GTF2H1: variants seen among roughly 807,000 people sequenced by gnomAD.
GTF2H1 encodes the protein BTF2 p62.
A neutral mutation model predicts 71.2 loss-of-function variants in GTF2H1; 16 were observed. The ratio of observed to expected loss-of-function variants is 0.22; its 90% CI spans 0.15 to 0.34. The LOEUF (loss-of-function observed/expected upper bound fraction) is 0.34, where lower values mean the gene tolerates loss of function less well. GTF2H1 is among the 10% of genes least tolerant of loss of function. The pLI is 1.00. For synonymous variants in GTF2H1, 215 were observed against 219.0 expected (o/e 0.98, Z 0.16); for missense variants, 498 against 648.2 (o/e 0.77, Z 2.52).
Position 18,365,813 on chromosome 11 carries a change from A to C in GTF2H1, c.1591A>C (p.Thr531Pro). The C allele has an allele frequency of 6.2e-7, 1 of 1,613,826 alleles. No individual in the cohort carries two copies. Among genetic ancestry groups the C allele is most frequent in the Non-Finnish European group, 8.5e-7 (1 of 1,179,728 alleles). The change falls in exon 15 of 15, where the codon ACA becomes CCA. Residue 531 changes from threonine (T) to proline (P), a missense_variant. Physicochemically the swap from Thr to Pro is conservative, Grantham distance 38. Coordinates refer to ENST00000265963, the MANE Select transcript of GTF2H1 (RefSeq NM_005316.4). ...LVSHIEEMLQTAYNKLHTWQS... is the reference protein window; with the variant it reads ...LVSHIEEMLQPAYNKLHTWQS... Reference sequence around the variant, plus strand: ...AAGTCACATAGAAGAGATGCTCCAGACAGCCTACAACAAGCTCCACACATG... The same window carrying C: ...AAGTCACATAGAAGAGATGCTCCAGCCAGCCTACAACAAGCTCCACACATG...
chr11:18,357,292 G>T (rs1865578051), intron 11 of GTF2H1, among the ~76,000 whole-genome samples: 1 of 152,146 alleles, frequency 6.6e-6, no homozygotes, highest in Admixed American at 6.5e-5. Flanking sequence ...CCTAAATGTT[G>T]ATGTTGATAC....
chr11:18,341,432 A>C, intron 6 of GTF2H1, 22 bp downstream of exon 6: 1 of 1,612,938 alleles, frequency 6.2e-7, no homozygotes, highest in Non-Finnish European at 8.5e-7. Flanking sequence ...TCTCTGATAG[A>C]CACTGGTATT....
intron 1 of GTF2H1, among the ~76,000 whole-genome samples, chr11:18,331,836 T>C (rs1464844292): frequency 6.6e-6 from 1 of 152,204 alleles, no homozygotes. Flanking sequence ...GGAGAACTAA[T>C]GGCAGATCCA....
At chr11:18,333,600 T>C (rs888787788) in intron 2 of GTF2H1, 2 of 157,364 alleles carry the variant, frequency 1.3e-5, no homozygotes, top group Admixed American at 6.4e-5. Flanking sequence ...AGGTTGTATG[T>C]GTAGGATACA....
intron 2 of GTF2H1, among the ~76,000 whole-genome samples, chr11:18,334,223 C>A (rs1380870833): frequency 6.6e-6 from 1 of 152,120 alleles, no homozygotes; most frequent in African/African-American, 2.4e-5. Flanking sequence ...ACTAAACATA[C>A]AAAAAAATTC....
In GTF2H1 at chr11:18,362,796, G is replaced by C. The variant is rs1303258566; in HGVS notation, c.1560+2089G>C. On this transcript the variant is annotated intron_variant, in intron 14 of 14. Coordinates refer to ENST00000265963, the MANE Select transcript of GTF2H1 (RefSeq NM_005316.4). ...AGCGATTCTCCCGCCTCAGCCTCCCGAGTAGCTGGGATTACAGGCACCCAC... is the reference window on the plus strand; with the variant it reads ...AGCGATTCTCCCGCCTCAGCCTCCCCAGTAGCTGGGATTACAGGCACCCAC... Among the ~76,000 whole-genome samples, 3 of 149,354 alleles carry C rather than the reference G, an allele frequency of 2.0e-5. No homozygotes were observed. In the East Asian group the frequency reaches 5.9e-4, roughly 29 times the overall value.
intron 8 of GTF2H1, 52 bp from the exon 9 acceptor site, chr11:18,347,780 T>A: frequency 6.3e-7 from 1 of 1,593,548 alleles, no homozygotes; most frequent in Non-Finnish European, 8.6e-7. Flanking sequence ...AGTTGTGGTG[T>A]TGTTTTGCTT....
In GTF2H1 at chr11:18,339,224, GTTAAT is replaced by G. The variant is rs1490262683; in HGVS notation, c.514-333_514-329del. Among the ~76,000 whole-genome samples the G allele has an allele frequency of 5.3e-5, 8 of 152,266 alleles. No homozygotes were observed. The South Asian group carries it at 8.3e-4, about 16-fold the overall frequency. On this transcript the variant is annotated intron_variant, in intron 4 of 14. Transcript: ENST00000265963. ...TTCCCAAAGAAGTCAGTCAGTTAAT[GTTAAT>G]TTAATTATTTACTAACCAAGGTTTG... is the stretch of plus-strand genomic sequence containing the variant.
At chr11:18,324,727 A>G (rs555273205) in intron 1 of GTF2H1, among the ~76,000 whole-genome samples, 2 of 142,670 alleles carry the variant, frequency 1.4e-5, no homozygotes, top group African/African-American at 6.1e-5. Context: ...TTGACCTAGT[A>G]GTTCCTCTTT....
In GTF2H1 at chr11:18,360,697, T is replaced by C. The variant is rs780066708; in HGVS notation, c.1550T>C (p.Leu517Ser). ...CAAGAAAAGATTCGGAGACAGTATT[T>C]AAGCACAAATGTAAGGCAGCAATCT... is the stretch of plus-strand genomic sequence containing the variant. ...PFQEKIRRQYLSTNLVSHIEE... is the reference protein window; with the variant it reads ...PFQEKIRRQYSSTNLVSHIEE... Residue 517 changes from leucine to serine, a missense_variant, in exon 14 of 15, where the codon TTA becomes TCA. Coordinates refer to ENST00000265963, the MANE Select transcript of GTF2H1 (RefSeq NM_005316.4). 1 of 1,539,366 alleles carries C rather than the reference T, an allele frequency of 6.5e-7. No homozygotes were observed. The highest frequency in any genetic ancestry group is 2.0e-5 in the Admixed American group (1 of 50,878).
intron 11 of GTF2H1, among the ~76,000 whole-genome samples, chr11:18,353,676 GT>G (rs1345483696): frequency 6.6e-6 from 1 of 152,194 alleles, no homozygotes; most frequent in Non-Finnish European, 1.5e-5. Context: ...GAGGCACTGA[GT>G]GTATACCTAT....
intron 14 of GTF2H1, among the ~76,000 whole-genome samples, chr11:18,362,876 G>A (rs1240131887): frequency 1.4e-4 from 21 of 151,650 alleles, no homozygotes; most frequent in Admixed American, 7.9e-4. Flanking sequence ...TCACTGTGTC[G>A]GCCAGGTTGG....
intron 3 of GTF2H1, among the ~76,000 whole-genome samples, chr11:18,337,682 A>C (rs1565008106): frequency 7.5e-6 from 1 of 133,288 alleles, no homozygotes. Context: ...ACAAATAGTT[A>C]TTATTATAAG....
chr11:18,346,801 T>A (rs1426034620), intron 7 of GTF2H1, among the ~76,000 whole-genome samples: 1 of 130,000 alleles, frequency 7.7e-6, no homozygotes, highest in Non-Finnish European at 1.6e-5. Context: ...AGTGGTGCAA[T>A]CTCAGCTCAC....
intron 4 of GTF2H1, 97 bp from the exon 5 acceptor site, chr11:18,339,467 A>G (rs1865105927): frequency 6.6e-6 from 5 of 754,262 alleles, no homozygotes; most frequent in Non-Finnish European, 1.1e-5. Context: ...CAGTTAGTTC[A>G]GAAATTTTTT....
intron 13 of GTF2H1, 72 bp downstream of exon 13, chr11:18,358,712 T>G: frequency 4.6e-6 from 4 of 875,590 alleles, no homozygotes; most frequent in South Asian, 2.7e-5. Context: ...ATTGGAAAGT[T>G]TTATTGAGTC....
At chr11:18,327,846 C>G (rs1192052922) in intron 1 of GTF2H1, among the ~76,000 whole-genome samples, 1 of 152,204 alleles carries the variant, frequency 6.6e-6, no homozygotes, top group Non-Finnish European at 1.5e-5. Flanking sequence ...GCCTCGGCTT[C>G]CTAAAGTGAT....
chr11:18,337,679 GTTA>G (rs4150585), intron 3 of GTF2H1, among the ~76,000 whole-genome samples: 9,647 of 151,946 alleles, frequency 0.063, 484 homozygotes, highest in East Asian at 0.26. Flanking sequence ...ATTACAAATA[GTTA>G]TTATTATAAG....
At chr11:18,327,947 G>A (rs1274920004) in intron 1 of GTF2H1, among the ~76,000 whole-genome samples, 7 of 152,118 alleles carry the variant, frequency 4.6e-5, no homozygotes, top group Admixed American at 3.3e-4. Flanking sequence ...AGTGGCTCAC[G>A]CCTGTAATCG....
Sources: allele counts gnomAD v4.1 joint callset (sites outside exome capture counted in the v4.1 genomes callset), GRCh38; gene constraint gnomAD v4.1.1; transcripts MANE v1.5; gene names NCBI Gene and HGNC (gene_info 2026-07-23, HGNC 2026-07-21).